Variants in LDB2 observed in about 807,000 individuals in gnomAD.
LDB2 encodes the protein LIM domain-binding protein 2.
In LDB2, 12 loss-of-function variants were observed where a neutral mutation model predicts 44.3. That is an observed-to-expected ratio of 0.27 (90% CI 0.17 to 0.44). The LOEUF is 0.44. Ranked by LOEUF, LDB2 falls within the 20% of genes least tolerant of loss-of-function variation. LDB2 has a pLI of 1.00. For missense variants in LDB2, 344 were observed against 473.5 expected (o/e 0.73, Z 2.54); for synonymous variants, 164 against 174.8 (o/e 0.94, Z 0.49).
In LDB2 at chr4:16,502,723, T is replaced by C; in HGVS notation, c.1042A>G (p.Asn348Asp). Residue 348 changes from asparagine to aspartate, a missense_variant, in exon 8 of 8, where the codon AAC (asparagine) becomes GAC (aspartate). Around this residue, in one of 3 missense-constraint regions of LDB2, gnomAD observed 32 missense variants for 32.3 expected, o/e 0.99. Transcript: ENST00000304523. ...EDFNNSPALGNNSPWNSKPPA... is the reference protein window; with the variant it reads ...EDFNNSPALGDNSPWNSKPPA... ...GGTTTACTGTTCCACGGGCTGTTGTTCCCCAGCGCGGGTGAATTGTTGAAG... is the reference window on the plus strand; with the variant it reads ...GGTTTACTGTTCCACGGGCTGTTGTCCCCCAGCGCGGGTGAATTGTTGAAG... 1.9e-6 allele frequency: 3 copies of C among 1,613,964 alleles called. No homozygotes were observed. The highest frequency in any genetic ancestry group is 2.5e-6 in the Non-Finnish European group (3 of 1,179,956).
chr4:16,889,830 A>G (rs548932593), intron 1 of LDB2, among the ~76,000 whole-genome samples: 4 of 152,344 alleles, frequency 2.6e-5, no homozygotes, highest in South Asian at 4.1e-4. Flanking sequence ...ATTCCTATGA[A>G]GAAGGCATGT....
chr4:16,698,129 TG>T (rs1207033619), intron 2 of LDB2, among the ~76,000 whole-genome samples: 1 of 152,244 alleles, frequency 6.6e-6, no homozygotes, highest in African/African-American at 2.4e-5. Flanking sequence ...TTACTGTTTT[TG>T]TCCCTTTGCC....
chr4:16,564,235 A>C (rs1038704065), intron 5 of LDB2, among the ~76,000 whole-genome samples: 5 of 152,170 alleles, frequency 3.3e-5, no homozygotes, highest in Non-Finnish European at 7.3e-5. Context: ...TCATGCCTAT[A>C]GTCCCAGCCT....
At chr4:16,643,321 G>A (rs1279894744) in intron 2 of LDB2, among the ~76,000 whole-genome samples, 1 of 152,012 alleles carries the variant, frequency 6.6e-6, no homozygotes, top group Non-Finnish European at 1.5e-5. Context: ...TCTTCAAAAA[G>A]CAATATAACT....
chr4:16,569,145 GCA>G (rs1380709130), intron 5 of LDB2, among the ~76,000 whole-genome samples: 1 of 152,096 alleles, frequency 6.6e-6, no homozygotes, highest in Non-Finnish European at 1.5e-5. Context: ...TTTAGGTAAA[GCA>G]CAGACAGAAT....
intron 2 of LDB2, among the ~76,000 whole-genome samples, chr4:16,707,682 T>A (rs1193159892): frequency 6.6e-6 from 1 of 152,116 alleles, no homozygotes; most frequent in East Asian, 1.9e-4. Flanking sequence ...TTTTTTTTTT[T>A]CTTTTCCTCC....
intron 1 of LDB2, among the ~76,000 whole-genome samples, chr4:16,891,935 T>C (rs1457478971): frequency 6.6e-6 from 1 of 152,204 alleles, no homozygotes; most frequent in East Asian, 1.9e-4. Flanking sequence ...TAAACTACCG[T>C]CTATTTGACC....
chr4:16,716,262 G>A (rs149377690), intron 2 of LDB2, among the ~76,000 whole-genome samples: 1 of 152,044 alleles, frequency 6.6e-6, no homozygotes, highest in Non-Finnish European at 1.5e-5. Context: ...AGTATAGTGG[G>A]CCTTCAGCAA....
intron 2 of LDB2, among the ~76,000 whole-genome samples, chr4:16,637,202 G>T (rs1014849300): frequency 2.7e-5 from 4 of 149,760 alleles, no homozygotes; most frequent in African/African-American, 9.8e-5. Context: ...GGAGGTTTAA[G>T]TTACAAAACT....
chr4:16,672,539 A>G (rs1745068248), intron 2 of LDB2, among the ~76,000 whole-genome samples: 1 of 152,138 alleles, frequency 6.6e-6, no homozygotes, highest in Admixed American at 6.5e-5. Context: ...TTTAAACTAT[A>G]CTACTGGGAA....
intron 2 of LDB2, among the ~76,000 whole-genome samples, chr4:16,741,177 G>A (rs988922268): frequency 4.6e-5 from 7 of 152,200 alleles, no homozygotes; most frequent in African/African-American, 9.7e-5. Flanking sequence ...GCAGATCGTC[G>A]CATTTTGGAA....
At chr4:16,612,500 A>G (rs1421970265) in intron 2 of LDB2, among the ~76,000 whole-genome samples, 1 of 152,180 alleles carries the variant, frequency 6.6e-6, no homozygotes, top group Non-Finnish European at 1.5e-5. Flanking sequence ...AAAGAATCAA[A>G]TAGACACGGT....
intron 5 of LDB2, among the ~76,000 whole-genome samples, chr4:16,547,301 G>T (rs562660294): frequency 7.3e-4 from 111 of 152,322 alleles, no homozygotes; most frequent in African/African-American, 2.5e-3. Flanking sequence ...TTCAGAGGGA[G>T]CGCAGCCATT....
At chr4:16,530,833 T>G (rs1729896957) in intron 5 of LDB2, among the ~76,000 whole-genome samples, 1 of 152,194 alleles carries the variant, frequency 6.6e-6, no homozygotes, top group Non-Finnish European at 1.5e-5. Context: ...AGTTACTCTG[T>G]TACTCCATCT....
chr4:16,886,501 C>T (rs1338712902), intron 1 of LDB2, among the ~76,000 whole-genome samples: 1 of 152,108 alleles, frequency 6.6e-6, no homozygotes, highest in Non-Finnish European at 1.5e-5. Context: ...CTAACATGTT[C>T]ACAGCAATTT....
At chr4:16,507,218 A>G (rs1719816946) in intron 7 of LDB2, 1 of 152,184 alleles carries the variant, frequency 6.6e-6, no homozygotes, top group Non-Finnish European at 1.5e-5. Context: ...AAAATGTAAC[A>G]TGGCACCTTC....
chr4:16,613,163 C>G (rs142243712), intron 2 of LDB2, among the ~76,000 whole-genome samples: 2 of 152,228 alleles, frequency 1.3e-5, no homozygotes, highest in Admixed American at 6.5e-5. Context: ...ATTCAACATC[C>G]CTTCATGTTA....
At chr4:16,677,550 C>G (rs1199988125) in intron 2 of LDB2, among the ~76,000 whole-genome samples, 1 of 152,196 alleles carries the variant, frequency 6.6e-6, no homozygotes, top group Non-Finnish European at 1.5e-5. Flanking sequence ...AGCATTGGCT[C>G]TGCTGATCTC....
At chr4:16,554,880 G>A (rs1158388079) in intron 5 of LDB2, among the ~76,000 whole-genome samples, 1 of 152,198 alleles carries the variant, frequency 6.6e-6, no homozygotes, top group Non-Finnish European at 1.5e-5. Flanking sequence ...CCTCTAGAAT[G>A]TACAACACCA....
Sources: allele counts gnomAD v4.1 joint callset (sites outside exome capture counted in the v4.1 genomes callset), GRCh38; gene constraint gnomAD v4.1.1; regional missense constraint gnomAD v4.1.1; transcripts MANE v1.5; gene names NCBI Gene and HGNC (gene_info 2026-07-23, HGNC 2026-07-21).